Variants in ATP9B observed in about 807,000 individuals in gnomAD.
ATP9B encodes the protein ATPase phospholipid transporting 9B.
Under a neutral mutation model 146.1 loss-of-function variants are expected in ATP9B, and 110 were observed. That is an observed-to-expected ratio of 0.75 (90% CI 0.65 to 0.88). The LOEUF (loss-of-function observed/expected upper bound fraction) is 0.88, where lower values mean the gene tolerates loss of function less well. Among genes scored for constraint, ATP9B ranks in the 40% least tolerant of loss-of-function variants. The pLI, the probability that ATP9B is intolerant of heterozygous loss-of-function variation, is 0.00. For missense variants in ATP9B, 1,499 were observed against 1,496.4 expected (o/e 1.00, Z -0.03); for synonymous variants, 604 against 569.7 (o/e 1.06, Z -0.86).
intron 12 of ATP9B, chr18:79,254,368 C>T (rs1316636854): frequency 6.6e-6 from 1 of 152,242 alleles, no homozygotes; most frequent in African/African-American, 2.4e-5. Context: ...GTCATAAAGT[C>T]AGAGCTATAA....
intron 9 of ATP9B, among the ~76,000 whole-genome samples, chr18:79,206,623 C>CATAA (rs71161762): frequency 0.33 from 48,988 of 146,752 alleles, 8,408 homozygotes; most frequent in East Asian, 0.46. Context: ...AATAACACCT[C>CATAA]ATAAATAAAT....
At position 79,267,482 on chromosome 18, in the gene ATP9B, T is replaced by A. The variant is rs140406009; in HGVS notation, c.1269-9572T>A. 2.4e-3 allele frequency among the ~76,000 whole-genome samples: 370 copies of A among 152,248 alleles called. 4 individuals are homozygous for A. The highest frequency in any genetic ancestry group is 8.5e-3 in the African/African-American group (352 of 41,584). ...ACCTTCTGCCCCCTTTGTGAATATA[T>A]GTATTGGAGGCTATAAATTTTTCTG... is the stretch of plus-strand genomic sequence containing the variant. On this transcript the variant is annotated intron_variant, in intron 12 of 29. Coordinates refer to ENST00000426216, the MANE Select transcript of ATP9B (RefSeq NM_198531.5).
At chr18:79,179,830 G>A (rs1228894340) in intron 8 of ATP9B, among the ~76,000 whole-genome samples, 1 of 152,124 alleles carries the variant, frequency 6.6e-6, no homozygotes, top group African/African-American at 2.4e-5. Flanking sequence ...GTTTAAAAAA[G>A]TTTTATAGTT....
intron 23 of ATP9B, among the ~76,000 whole-genome samples, chr18:79,346,981 T>C (rs945849611): frequency 1.3e-5 from 2 of 152,246 alleles, no homozygotes; most frequent in Non-Finnish European, 2.9e-5. Context: ...GGCGACTTGC[T>C]GTTGGCGGAC....
intron 7 of ATP9B, among the ~76,000 whole-genome samples, chr18:79,166,314 G>T (rs905791563): frequency 1.1e-4 from 16 of 152,146 alleles, no homozygotes; most frequent in African/African-American, 2.4e-5. Flanking sequence ...CATGTGCTAG[G>T]CGCTCTCAGA....
intron 9 of ATP9B, 26 bp downstream of exon 9, chr18:79,193,289 A>T (rs1416120502): frequency 6.5e-7 from 1 of 1,527,170 alleles, no homozygotes; most frequent in Admixed American, 1.7e-5. Flanking sequence ...TGTTCAATAC[A>T]AATAGAGTTA....
chr18:79,243,056 A>G (rs939269728), intron 11 of ATP9B, among the ~76,000 whole-genome samples: 2 of 152,252 alleles, frequency 1.3e-5, no homozygotes, highest in African/African-American at 4.8e-5. Context: ...TTAGACTGCT[A>G]TAACTATCCT....
intron 2 of ATP9B, among the ~76,000 whole-genome samples, chr18:79,102,630 T>G (rs147073961): frequency 7.9e-4 from 121 of 152,318 alleles, no homozygotes; most frequent in African/African-American, 2.8e-3. Flanking sequence ...TTGCCTTCAC[T>G]TAGAAATTTT....
chr18:79,124,680 G>T (rs1338002297), intron 4 of ATP9B, among the ~76,000 whole-genome samples: 2 of 152,224 alleles, frequency 1.3e-5, no homozygotes, highest in Non-Finnish European at 2.9e-5. Flanking sequence ...ATTGAGTGGG[G>T]GACAAGGCTA....
At chr18:79,199,511 C>A (rs899880961) in intron 9 of ATP9B, among the ~76,000 whole-genome samples, 16 of 151,886 alleles carry the variant, frequency 1.1e-4, no homozygotes, top group Non-Finnish European at 2.1e-4. Flanking sequence ...CCTGTAATCC[C>A]AGCAATTTGG....
chr18:79,191,140 A>T (rs1277377102), intron 8 of ATP9B, among the ~76,000 whole-genome samples: 1 of 152,024 alleles, frequency 6.6e-6, no homozygotes, highest in African/African-American at 2.4e-5. Flanking sequence ...TCCACCCCTC[A>T]CTTTAAATAT....
chr18:79,319,099 A>G (rs1453799432), intron 15 of ATP9B, among the ~76,000 whole-genome samples: 2 of 152,152 alleles, frequency 1.3e-5, no homozygotes, highest in Admixed American at 1.3e-4. Flanking sequence ...TTGTGCCTTC[A>G]CTGGAGGGTC....
chr18:79,204,886 T>G (rs577791615), intron 9 of ATP9B, among the ~76,000 whole-genome samples: 2 of 152,360 alleles, frequency 1.3e-5, no homozygotes, highest in East Asian at 3.9e-4. Context: ...TACTGTTTAT[T>G]TAAATGCCAG....
At chr18:79,075,223 C>T (rs1480571289) in intron 1 of ATP9B, among the ~76,000 whole-genome samples, 2 of 152,198 alleles carry the variant, frequency 1.3e-5, no homozygotes, top group Non-Finnish European at 2.9e-5. Context: ...ACTACAGGCG[C>T]TCACTACAGC....
At chr18:79,122,361 AAAG>A (rs2094204531) in intron 4 of ATP9B, among the ~76,000 whole-genome samples, 4 of 152,188 alleles carry the variant, frequency 2.6e-5, no homozygotes, top group Non-Finnish European at 5.9e-5. Flanking sequence ...TCTTGGATTC[AAAG>A]ATGCATATTT....
chr18:79,270,274 A>G (rs1305268556), intron 12 of ATP9B, among the ~76,000 whole-genome samples: 1 of 152,036 alleles, frequency 6.6e-6, no homozygotes. Context: ...ATTTATATGC[A>G]CACATTCATC....
chr18:79,343,252 G>A (rs985584666), intron 20 of ATP9B, among the ~76,000 whole-genome samples: 1 of 152,120 alleles, frequency 6.6e-6, no homozygotes, highest in African/African-American at 2.4e-5. Context: ...ACTTTTCAGT[G>A]TTATAGCACC....
intron 5 of ATP9B, 94 bp downstream of exon 5, chr18:79,126,469 A>C (rs142842120): frequency 2.4e-6 from 2 of 848,484 alleles, no homozygotes; most frequent in African/African-American, 1.7e-5. Flanking sequence ...TTTTAATTCT[A>C]TTATTGAAAA....
At chr18:79,102,985 C>G (rs1212189277) in intron 2 of ATP9B, among the ~76,000 whole-genome samples, 1 of 152,144 alleles carries the variant, frequency 6.6e-6, no homozygotes, top group Non-Finnish European at 1.5e-5. Context: ...ATCCTATAAC[C>G]TTGCTGAACT....
Sources: gnomAD v4.1 joint callset for allele counts (sites outside exome capture counted in the v4.1 genomes callset) on GRCh38, gnomAD v4.1.1 for gene constraint, MANE v1.5 for transcripts, NCBI Gene and HGNC (gene_info 2026-07-23, HGNC 2026-07-21) for gene names.